The following RBFOX1 variants were observed in gnomAD, a reference collection of about 807,000 sequenced individuals.
The protein encoded by RBFOX1 is RNA binding fox-1 homolog 1, also known as RNA binding protein fox-1 homolog 1.
Under a neutral mutation model 57.7 loss-of-function variants are expected in RBFOX1, and 8 were observed. That is an observed-to-expected ratio of 0.14 (90% CI 0.08 to 0.25). RBFOX1 has a LOEUF of 0.25. Ranked by LOEUF, RBFOX1 falls within the 10% of genes least tolerant of loss-of-function variation. The pLI is 1.00. For synonymous variants in RBFOX1, 326 were observed against 222.4 expected, an observed-to-expected ratio of 1.47 and a Z score of -4.15; for missense variants, 611 against 548.5, an observed-to-expected ratio of 1.11 and a Z score of -1.14.
intron 3 of RBFOX1, among the ~76,000 whole-genome samples, chr16:6,666,505 A>C (rs926074527): frequency 1.4e-5 from 2 of 145,462 alleles, no homozygotes; most frequent in Non-Finnish European, 3.0e-5. Context: ...ACACCACTGC[A>C]CTCCAGCCTG....
intron 1 of RBFOX1, among the ~76,000 whole-genome samples, chr16:5,466,160 T>G (rs2068946774): frequency 1.3e-5 from 2 of 152,236 alleles, no homozygotes; most frequent in South Asian, 4.1e-4. Flanking sequence ...AGCGCAAGCT[T>G]GCGTCAGAGA....
At chr16:6,823,341 C>G (rs965247625) in intron 3 of RBFOX1, among the ~76,000 whole-genome samples, 13 of 151,970 alleles carry the variant, frequency 8.6e-5, no homozygotes, top group African/African-American at 3.1e-4. Flanking sequence ...ACTGCAACCT[C>G]CACCTCTTGG....
intron 1 of RBFOX1, among the ~76,000 whole-genome samples, chr16:5,273,611 G>C (rs576587342): frequency 6.6e-6 from 1 of 152,302 alleles, no homozygotes; most frequent in South Asian, 2.1e-4. Context: ...GAGAAGCGGG[G>C]GAGTGGTGGA....
intron 1 of RBFOX1, among the ~76,000 whole-genome samples, chr16:5,424,472 A>G (rs1413960134): frequency 6.6e-6 from 1 of 152,138 alleles, no homozygotes; most frequent in Non-Finnish European, 1.5e-5. Context: ...AGCAAAGGAA[A>G]AGATAGGCCA....
chr16:7,666,342 T>TA (rs2069256570), intron 13 of RBFOX1, among the ~76,000 whole-genome samples: 1 of 151,468 alleles, frequency 6.6e-6, no homozygotes, highest in Non-Finnish European at 1.5e-5. Flanking sequence ...AATGGTTTTT[T>TA]AAAAAATCCA....
intron 1 of RBFOX1, among the ~76,000 whole-genome samples, chr16:6,207,178 T>C (rs574833941): frequency 6.6e-6 from 1 of 152,336 alleles, no homozygotes; most frequent in East Asian, 1.9e-4. Flanking sequence ...TGCTGGACTC[T>C]TTCGTTTCCC....
intron 3 of RBFOX1, among the ~76,000 whole-genome samples, chr16:6,949,796 A>G (rs984621926): frequency 1.4e-5 from 2 of 147,044 alleles, no homozygotes; most frequent in African/African-American, 4.9e-5. Context: ...TTTTCTTCTG[A>G]ATTTTTTTTT....
intron 3 of RBFOX1, among the ~76,000 whole-genome samples, chr16:6,886,826 C>T (rs953578324): frequency 2.0e-5 from 3 of 150,840 alleles, no homozygotes; most frequent in Non-Finnish European, 4.4e-5. Context: ...TGTGAAGAAA[C>T]GTTTGCTTTA....
chr16:5,295,211 C>A (rs945277918), intron 1 of RBFOX1, among the ~76,000 whole-genome samples: 1 of 152,008 alleles, frequency 6.6e-6, no homozygotes, highest in Non-Finnish European at 1.5e-5. Flanking sequence ...GCATCACAGC[C>A]TGGCATAACT....
At chr16:7,288,827 C>T (rs372365323) in intron 4 of RBFOX1, among the ~76,000 whole-genome samples, 1 of 152,184 alleles carries the variant, frequency 6.6e-6, no homozygotes, top group East Asian at 1.9e-4. Context: ...CGCGATAAAG[C>T]AAGGCTCCAT....
intron 1 of RBFOX1, among the ~76,000 whole-genome samples, chr16:5,448,285 A>C (rs772017878): frequency 6.6e-6 from 1 of 152,138 alleles, no homozygotes; most frequent in Non-Finnish European, 1.5e-5. Context: ...TTTCGACTCT[A>C]AACTGTTCCT....
At chr16:5,675,636 G>C (rs774179420) in intron 3 of RBFOX1, among the ~76,000 whole-genome samples, 1 of 152,202 alleles carries the variant, frequency 6.6e-6, no homozygotes, top group Non-Finnish European at 1.5e-5. Context: ...TGGCTTCCGC[G>C]TGTCATCGTG....
At chr16:7,460,240 GA>G (rs1398501918) in intron 4 of RBFOX1, among the ~76,000 whole-genome samples, 3 of 151,392 alleles carry the variant, frequency 2.0e-5, no homozygotes, top group Non-Finnish European at 4.4e-5. Context: ...ACACCCAGAA[GA>G]AGAACAAAAA....
At chr16:7,188,688 C>T (rs935313881) in intron 4 of RBFOX1, among the ~76,000 whole-genome samples, 36 of 152,174 alleles carry the variant, frequency 2.4e-4, no homozygotes, top group Non-Finnish European at 5.9e-5. Flanking sequence ...CAGCAGGTTT[C>T]ATTTATTCTG....
At chr16:6,735,633 G>C (rs570935967) in intron 3 of RBFOX1, among the ~76,000 whole-genome samples, 1 of 152,244 alleles carries the variant, frequency 6.6e-6, no homozygotes, top group South Asian at 2.1e-4. Context: ...GTGTAACATT[G>C]GATCGATCAC....
chr16:7,690,852 G>A (rs781052874), intron 14 of RBFOX1, among the ~76,000 whole-genome samples: 1 of 152,060 alleles, frequency 6.6e-6, no homozygotes, highest in Non-Finnish European at 1.5e-5. Context: ...GCATAACATG[G>A]TGAATATAGA....
chr16:6,991,359 G>C (rs2091419913), intron 3 of RBFOX1, among the ~76,000 whole-genome samples: 1 of 152,082 alleles, frequency 6.6e-6, no homozygotes, highest in African/African-American at 2.4e-5. Context: ...TGTATGTACA[G>C]GCCCTGGACA....
intron 4 of RBFOX1, among the ~76,000 whole-genome samples, chr16:7,353,276 T>A (rs922982143): frequency 6.6e-6 from 1 of 152,158 alleles, no homozygotes; most frequent in African/African-American, 2.4e-5. Flanking sequence ...TTGATGACCC[T>A]AGCTAGAATG....
chr16:7,697,132 A>C (rs896329536), intron 14 of RBFOX1, among the ~76,000 whole-genome samples: 1 of 152,186 alleles, frequency 6.6e-6, no homozygotes, highest in Non-Finnish European at 1.5e-5. Context: ...CAAACTGCCA[A>C]AGAACAGAAG....
Sources: allele counts gnomAD v4.1 joint callset (sites outside exome capture counted in the v4.1 genomes callset), GRCh38; gene constraint gnomAD v4.1.1; transcripts MANE v1.5; gene names NCBI Gene and HGNC (gene_info 2026-07-23, HGNC 2026-07-21).